Variants in LARGE1 observed in about 807,000 individuals in gnomAD.
The protein encoded by LARGE1 is LARGE xylosyl- and glucuronyltransferase 1.
Under a neutral mutation model 87.6 loss-of-function variants are expected in LARGE1, and 43 were observed. That is an observed-to-expected ratio of 0.49 (90% CI 0.38 to 0.63). The LOEUF is 0.63. Ranked by LOEUF, LARGE1 falls within the 30% of genes least tolerant of loss-of-function variation. The pLI is 0.00. For synonymous variants in LARGE1, 434 were observed against 394.6 expected, an observed-to-expected ratio of 1.10 and a Z score of -1.18; for missense variants, 802 against 1,000.2, an observed-to-expected ratio of 0.80 and a Z score of 2.67.
chr22:33,191,274 T>G (rs565064257), intron 11 of LARGE1, among the ~76,000 whole-genome samples: 1 of 96,702 alleles, frequency 1.0e-5, no homozygotes, highest in East Asian at 2.2e-4. Context: ...TACATTCTGC[T>G]ACAACTAAAA....
Position 33,435,365 on chromosome 22 carries a change from G to A in LARGE1, c.788-3100C>T, listed in dbSNP as rs117714358. 3.9e-5 allele frequency among the ~76,000 whole-genome samples: 6 copies of A among 152,288 alleles called. No homozygotes were observed. In the East Asian group the frequency reaches 1.2e-3, roughly 29 times the overall value. Reference sequence around the variant, plus strand: ...AAAAGATGAAGTTGGCAATATTCAGGCACCCACAGACCTCATTTATAAATA... The same window carrying A: ...AAAAGATGAAGTTGGCAATATTCAGACACCCACAGACCTCATTTATAAATA... On this transcript the variant is annotated intron_variant, in intron 6 of 14. Coordinates refer to ENST00000397394, the MANE Select transcript of LARGE1 (RefSeq NM_133642.5).
At chr22:33,070,968 C>A in the LARGE1 span, among the ~76,000 whole-genome samples, 1 of 152,054 alleles carries the variant, frequency 6.6e-6, no homozygotes, top group East Asian at 1.9e-4. Context: ...CCAGAATTTC[C>A]AAAGTCTGTT....
chr22:33,084,138 T>C, the LARGE1 span, among the ~76,000 whole-genome samples: 1 of 152,230 alleles, frequency 6.6e-6, no homozygotes, highest in Non-Finnish European at 1.5e-5. Context: ...TTATTTAATC[T>C]CTACTCCTCT....
exon 12 of LARGE1, chr22:33,162,309 G>T (rs985491827): frequency 3.3e-5 from 5 of 152,162 alleles, no homozygotes; most frequent in African/African-American, 1.2e-4. Context: ...ATGGTGGAAG[G>T]CACCTCTTCA....
intron 11 of LARGE1, among the ~76,000 whole-genome samples, chr22:33,255,933 T>C (rs552345220): frequency 1.3e-5 from 2 of 152,330 alleles, no homozygotes; most frequent in Admixed American, 1.3e-4. Flanking sequence ...AGCTGCATTA[T>C]CAAAGTTTAG....
chr22:33,620,228 T>C (rs11912928), intron 4 of LARGE1, among the ~76,000 whole-genome samples: 6,871 of 152,304 alleles, frequency 0.045, 351 homozygotes, highest in African/African-American at 0.12. Flanking sequence ...TAACCCAGCT[T>C]CATCCTGCCA....
At chr22:33,894,842 T>C (rs149482553) in intron 1 of LARGE1, among the ~76,000 whole-genome samples, 22 of 152,084 alleles carry the variant, frequency 1.4e-4, no homozygotes, top group African/African-American at 3.6e-4. Context: ...AATCAAGCAT[T>C]TGACATTCAG....
intron 11 of LARGE1, among the ~76,000 whole-genome samples, chr22:33,184,935 G>A (rs538304908): frequency 6.6e-6 from 1 of 152,188 alleles, no homozygotes; most frequent in Non-Finnish European, 1.5e-5. Flanking sequence ...GTGAAGCAAC[G>A]GGAACTATTA....
the LARGE1 span, among the ~76,000 whole-genome samples, chr22:33,096,559 T>C: frequency 1.1e-5 from 1 of 91,422 alleles, no homozygotes; most frequent in African/African-American, 4.0e-5. Flanking sequence ...TGTTTGTTTT[T>C]GTTTTTGTTT....
chr22:33,425,066 A>G (rs1201948897), intron 7 of LARGE1, among the ~76,000 whole-genome samples: 1 of 152,076 alleles, frequency 6.6e-6, no homozygotes, highest in East Asian at 1.9e-4. Context: ...GTTCAAGACC[A>G]GCCTGATCAA....
intron 9 of LARGE1, among the ~76,000 whole-genome samples, chr22:33,340,450 A>T (rs1353521834): frequency 6.6e-6 from 1 of 151,924 alleles, no homozygotes; most frequent in Non-Finnish European, 1.5e-5. Flanking sequence ...ACACCATCAA[A>T]AACAGCTAAG....
chr22:33,733,619 A>ATT (rs139964768), intron 2 of LARGE1: 1 of 152,074 alleles, frequency 6.6e-6, no homozygotes, highest in Non-Finnish European at 1.5e-5. Context: ...CAAGAGACTA[A>ATT]TTTTTTACCC....
At chr22:33,640,659 G>A (rs1056914226) in intron 3 of LARGE1, among the ~76,000 whole-genome samples, 13 of 152,136 alleles carry the variant, frequency 8.5e-5, no homozygotes, top group African/African-American at 2.9e-4. Flanking sequence ...CACTCCCACA[G>A]AGCCCAGCAA....
At chr22:33,865,001 A>G (rs2064043942) in intron 1 of LARGE1, among the ~76,000 whole-genome samples, 1 of 152,174 alleles carries the variant, frequency 6.6e-6, no homozygotes, top group African/African-American at 2.4e-5. Context: ...CAGTTTCTGA[A>G]AGAGTCACAG....
intron 6 of LARGE1, among the ~76,000 whole-genome samples, chr22:33,509,477 G>T (rs1423929716): frequency 1.3e-5 from 2 of 151,828 alleles, no homozygotes; most frequent in Non-Finnish European, 2.9e-5. Flanking sequence ...TAAGAGACAG[G>T]GTCTTGCTCT....
chr22:33,423,633 T>C (rs965403183), intron 7 of LARGE1, among the ~76,000 whole-genome samples: 2 of 148,614 alleles, frequency 1.3e-5, no homozygotes, highest in Admixed American at 6.8e-5. Flanking sequence ...TGAGCAGAGA[T>C]TGCACCACTG....
chr22:33,880,476 G>A (rs74825348), intron 1 of LARGE1, among the ~76,000 whole-genome samples: 2,561 of 152,254 alleles, frequency 0.017, 70 homozygotes, highest in African/African-American at 0.057. Context: ...AAGAGACAGA[G>A]ATAAGGCCCA....
intron 11 of LARGE1, among the ~76,000 whole-genome samples, chr22:33,215,460 A>G: frequency 6.6e-6 from 1 of 152,230 alleles, no homozygotes; most frequent in East Asian, 1.9e-4. Flanking sequence ...TATTGTATAT[A>G]CTAAATATTG....
intron 1 of LARGE1, among the ~76,000 whole-genome samples, chr22:33,814,383 G>C (rs145160945): frequency 6.6e-6 from 1 of 152,310 alleles, no homozygotes; most frequent in East Asian, 1.9e-4. Flanking sequence ...TAATGACTGT[G>C]ATGGTTAGTT....
Sources: gnomAD v4.1 joint callset for allele counts (sites outside exome capture counted in the v4.1 genomes callset) on GRCh38, gnomAD v4.1.1 for gene constraint, MANE v1.5 for transcripts, NCBI Gene and HGNC (gene_info 2026-07-23, HGNC 2026-07-21) for gene names.